CYP39A1: variants seen among roughly 807,000 people sequenced by gnomAD.
The protein encoded by CYP39A1 is cytochrome P450 family 39 subfamily A member 1, also known as 24-hydroxycholesterol 7-alpha-hydroxylase.
In CYP39A1, 49 loss-of-function variants were observed where a neutral mutation model predicts 58.1. The ratio of observed to expected loss-of-function variants is 0.84; its 90% CI spans 0.67 to 1.07. The LOEUF (loss-of-function observed/expected upper bound fraction) is 1.07, where lower values mean the gene tolerates loss of function less well. Ranked by LOEUF, CYP39A1 falls within the 50% of genes least tolerant of loss-of-function variation. The probability of loss-of-function intolerance (pLI) is 0.00; values close to 1 mark genes in which losing one functional copy is unlikely to be tolerated. For synonymous variants in CYP39A1, 209 were observed against 187.6 expected, an observed-to-expected ratio of 1.11 and a Z score of -0.93; for missense variants, 531 against 539.4, an observed-to-expected ratio of 0.98 and a Z score of 0.16.
intron 6 of CYP39A1, among the ~76,000 whole-genome samples, chr6:46,630,048 A>C (rs2150578679): frequency 6.6e-6 from 1 of 152,210 alleles, no homozygotes; most frequent in African/African-American, 2.4e-5. Flanking sequence ...GTGAGCCGAG[A>C]TCACGCCATT....
chr6:46,610,247 A>G (rs932675733), intron 7 of CYP39A1, among the ~76,000 whole-genome samples: 2 of 152,238 alleles, frequency 1.3e-5, no homozygotes, highest in African/African-American at 2.4e-5. Flanking sequence ...TTCCTGTGCC[A>G]ATTGTGTACT....
intron 3 of CYP39A1, among the ~76,000 whole-genome samples, chr6:46,639,139 T>C (rs1389315668): frequency 2.0e-5 from 3 of 152,246 alleles, no homozygotes; most frequent in African/African-American, 7.2e-5. Context: ...CTGAATGTTT[T>C]ATCAAAATTC....
chr6:46,611,287 C>A (rs1194645072), intron 7 of CYP39A1, among the ~76,000 whole-genome samples: 1 of 152,212 alleles, frequency 6.6e-6, no homozygotes, highest in Non-Finnish European at 1.5e-5. Flanking sequence ...GAAGTAGATC[C>A]TGCTCAGCTG....
At chr6:46,569,179 A>G (rs1771450599) in intron 10 of CYP39A1, among the ~76,000 whole-genome samples, 1 of 151,958 alleles carries the variant, frequency 6.6e-6, no homozygotes. Flanking sequence ...TCCTTGTCAG[A>G]TTGTTCAGTT....
At chr6:46,562,641 T>A (rs935216557) in intron 10 of CYP39A1, among the ~76,000 whole-genome samples, 3 of 151,694 alleles carry the variant, frequency 2.0e-5, no homozygotes, top group South Asian at 2.1e-4. Context: ...AATAAATAAA[T>A]TTTTAAAAGT....
At position 46,587,063 on chromosome 6, in the gene CYP39A1, G is replaced by A; in HGVS notation, c.1250+14C>T. The A allele has an allele frequency of 6.3e-7, 1 of 1,596,906 alleles. No homozygotes were observed. The highest frequency in any genetic ancestry group is 8.6e-7 in the Non-Finnish European group (1 of 1,166,494). On this transcript the variant is annotated intron_variant, in intron 10 of 11. Transcript: ENST00000275016. ...AGACTTTCTGGATAAATGTGGCCCA[G>A]CTGTCTCACTGACCTTGCAGGACAC...
intron 7 of CYP39A1, among the ~76,000 whole-genome samples, chr6:46,616,198 C>T (rs1478884866): frequency 3.6e-3 from 4 of 1,104 alleles, no homozygotes; most frequent in African/African-American, 9.3e-3. Flanking sequence ...TTCTTTCCCT[C>T]CCTCCCTCCC....
chr6:46,639,927 C>T (rs1776227317), intron 2 of CYP39A1, among the ~76,000 whole-genome samples: 1 of 152,112 alleles, frequency 6.6e-6, no homozygotes, highest in Non-Finnish European at 1.5e-5. Context: ...CCAGCCTGAC[C>T]AACATGGTGA....
chr6:46,563,471 C>T (rs574027603), intron 10 of CYP39A1, among the ~76,000 whole-genome samples: 1 of 151,996 alleles, frequency 6.6e-6, no homozygotes, highest in Non-Finnish European at 1.5e-5. Flanking sequence ...TTGGTACTTG[C>T]GTATTTTCTG....
chr6:46,585,178 C>T (rs1004917468), intron 10 of CYP39A1, among the ~76,000 whole-genome samples: 1 of 152,078 alleles, frequency 6.6e-6, no homozygotes, highest in Non-Finnish European at 1.5e-5. Context: ...AGTAATAGCG[C>T]CTCTTGGAAA....
intron 6 of CYP39A1, 37 bp downstream of exon 6, chr6:46,630,926 G>A (rs771888020): frequency 2.1e-6 from 3 of 1,400,852 alleles, no homozygotes; most frequent in South Asian, 1.2e-5. Flanking sequence ...AAGGACAGTG[G>A]AGAGCAACGT....
intron 5 of CYP39A1, among the ~76,000 whole-genome samples, chr6:46,635,258 G>A (rs1455414915): frequency 6.6e-6 from 1 of 152,152 alleles, no homozygotes; most frequent in African/African-American, 2.4e-5. Flanking sequence ...TCTGTTCTCA[G>A]TGCTTTACAA....
chr6:46,599,555 G>T (rs1773365999), intron 7 of CYP39A1, among the ~76,000 whole-genome samples: 1 of 152,066 alleles, frequency 6.6e-6, no homozygotes, highest in Non-Finnish European at 1.5e-5. Flanking sequence ...GTTCCAGTCT[G>T]CTCATACCAG....
chr6:46,592,537 A>G (rs1772901691), intron 8 of CYP39A1, among the ~76,000 whole-genome samples: 1 of 152,202 alleles, frequency 6.6e-6, no homozygotes, highest in South Asian at 2.1e-4. Context: ...CTGTTTATAG[A>G]AGTGAAAAAT....
chr6:46,591,730 GT>G (rs1431308686), intron 8 of CYP39A1, among the ~76,000 whole-genome samples: 1 of 151,842 alleles, frequency 6.6e-6, no homozygotes, highest in Non-Finnish European at 1.5e-5. Flanking sequence ...TACTTAAGAA[GT>G]TTAAAAAAAA....
intron 7 of CYP39A1, among the ~76,000 whole-genome samples, chr6:46,609,621 T>G (rs1342486702): frequency 6.6e-6 from 1 of 151,570 alleles, no homozygotes; most frequent in Non-Finnish European, 1.5e-5. Flanking sequence ...CAGAAGGAGG[T>G]CCACACAGGG....
At chr6:46,606,456 A>C (rs1306036953) in intron 7 of CYP39A1, among the ~76,000 whole-genome samples, 2 of 152,186 alleles carry the variant, frequency 1.3e-5, no homozygotes, top group Non-Finnish European at 2.9e-5. Context: ...TGCATACTTC[A>C]ATGCACATCT....
At chr6:46,551,385 C>A (rs202128503) in intron 11 of CYP39A1, among the ~76,000 whole-genome samples, 82 of 124,574 alleles carry the variant, frequency 6.6e-4, no homozygotes, top group African/African-American at 1.5e-3. Context: ...AAAAAAAAAA[C>A]AACCATACAA....
chr6:46,642,479 TG>T (rs1776403543), intron 1 of CYP39A1, among the ~76,000 whole-genome samples, 181 bp from the exon 2 acceptor site: 1 of 152,216 alleles, frequency 6.6e-6, no homozygotes, highest in South Asian at 2.1e-4. Context: ...CATTTTAATT[TG>T]TTCTGTCCTA....
Sources: allele counts gnomAD v4.1 joint callset (sites outside exome capture counted in the v4.1 genomes callset), GRCh38; gene constraint gnomAD v4.1.1; transcripts MANE v1.5; gene names NCBI Gene and HGNC (gene_info 2026-07-23, HGNC 2026-07-21).